Variants in CCDC7 observed in about 807,000 individuals in gnomAD.
The protein encoded by CCDC7 is coiled-coil domain containing 7.
Under a neutral mutation model 196.9 loss-of-function variants are expected in CCDC7, and 183 were observed. The ratio of observed to expected loss-of-function variants is 0.93; its 90% CI spans 0.82 to 1.05. CCDC7 has a LOEUF of 1.05. Among genes scored for constraint, CCDC7 ranks in the 50% least tolerant of loss-of-function variants. The probability of loss-of-function intolerance (pLI) is 0.00; values close to 1 mark genes in which losing one functional copy is unlikely to be tolerated. For synonymous variants in CCDC7, 525 were observed against 484.6 expected (o/e 1.08, Z -1.10); for missense variants, 1,540 against 1,482.2 (o/e 1.04, Z -0.64).
chr10:32,478,071 C>T (rs73251540), intron 8 of CCDC7, among the ~76,000 whole-genome samples: 7,875 of 152,146 alleles, frequency 0.052, 675 homozygotes, highest in African/African-American at 0.18. Context: ...TTTAGATTTA[C>T]ACTGAAGTGT....
At chr10:32,475,084 A>G (rs1190483036) in intron 8 of CCDC7, among the ~76,000 whole-genome samples, 4 of 152,206 alleles carry the variant, frequency 2.6e-5, no homozygotes, top group Non-Finnish European at 5.9e-5. Context: ...AAACCTCTGT[A>G]TACATCGAGG....
chr10:32,715,713 C>T (rs539798645), intron 25 of CCDC7, among the ~76,000 whole-genome samples: 49 of 152,170 alleles, frequency 3.2e-4, no homozygotes, highest in African/African-American at 1.1e-3. Context: ...ATAAATGACC[C>T]GATGGAGCTG....
intron 28 of CCDC7, among the ~76,000 whole-genome samples, chr10:32,772,584 G>A (rs1034962265): frequency 6.6e-6 from 1 of 152,222 alleles, no homozygotes; most frequent in Non-Finnish European, 1.5e-5. Flanking sequence ...AAACCGTGTT[G>A]GGAGCTTCTT....
chr10:32,657,888 C>T (rs1006100358), intron 20 of CCDC7, among the ~76,000 whole-genome samples: 3 of 152,170 alleles, frequency 2.0e-5, no homozygotes, highest in Admixed American at 2.0e-4. Flanking sequence ...CTGCCAGATA[C>T]CATAAATCAT....
In CCDC7 at chr10:32,743,211, A is replaced by C. The variant is rs538706999; in HGVS notation, c.2905+13754A>C. ...AATTGCTGGATTATATGACAAGAAT[A>C]GGTTTAGTTTTTAAGAAACAGCCAC... On this transcript the variant is annotated intron_variant, in intron 28 of 41. Transcript: ENST00000639629. 4.6e-5 allele frequency among the ~76,000 whole-genome samples: 7 copies of C among 152,306 alleles called. No individual in the cohort carries two copies. The East Asian group carries it at 1.2e-3, about 25-fold the overall frequency.
chr10:32,710,655 G>A (rs1384907336), intron 24 of CCDC7, among the ~76,000 whole-genome samples: 1 of 152,180 alleles, frequency 6.6e-6, no homozygotes, highest in African/African-American at 2.4e-5. Flanking sequence ...TGCACCATGG[G>A]ACAGTCAGAC....
At chr10:32,543,325 C>A in exon 12 of CCDC7, 6 of 1,455,604 alleles carry the variant, frequency 4.1e-6, no homozygotes, top group Admixed American at 2.3e-5. Flanking sequence ...AATAATCGAA[C>A]AAAGAAAGCT....
At chr10:32,499,230 A>C (rs2043456036) in intron 9 of CCDC7, 1 of 151,868 alleles carries the variant, frequency 6.6e-6, no homozygotes, top group Non-Finnish European at 1.5e-5. Flanking sequence ...CTCATGTGTT[A>C]TTCATCTTTC....
At chr10:32,683,343 T>A (rs2076073895) in intron 21 of CCDC7, among the ~76,000 whole-genome samples, 1 of 152,202 alleles carries the variant, frequency 6.6e-6, no homozygotes. Flanking sequence ...ACCCATTTCC[T>A]TGGTCTATGT....
At chr10:32,765,774 T>A (rs1369814118) in intron 28 of CCDC7, among the ~76,000 whole-genome samples, 2 of 152,038 alleles carry the variant, frequency 1.3e-5, no homozygotes, top group Non-Finnish European at 2.9e-5. Flanking sequence ...TAGATGGTGA[T>A]TCTAATTGTA....
intron 13 of CCDC7, among the ~76,000 whole-genome samples, chr10:32,557,893 A>G (rs1039967550): frequency 1.3e-5 from 2 of 152,090 alleles, no homozygotes; most frequent in African/African-American, 2.4e-5. Context: ...GTGTCTTGCT[A>G]TGTTGCCCAG....
At chr10:32,816,882 G>T (rs2088735799) in intron 31 of CCDC7, among the ~76,000 whole-genome samples, 1 of 151,942 alleles carries the variant, frequency 6.6e-6, no homozygotes, top group Non-Finnish European at 1.5e-5. Flanking sequence ...CACAAAGATG[G>T]GGAAAAAAAA....
At chr10:32,655,682 A>T (rs990246700) in intron 20 of CCDC7, among the ~76,000 whole-genome samples, 9 of 151,920 alleles carry the variant, frequency 5.9e-5, no homozygotes, top group Admixed American at 4.6e-4. Flanking sequence ...GATGCCACCC[A>T]AGTAGTGCGT....
intron 29 of CCDC7, among the ~76,000 whole-genome samples, chr10:32,780,285 A>G (rs1202633664): frequency 1.3e-5 from 2 of 152,198 alleles, no homozygotes; most frequent in Admixed American, 6.5e-5. Flanking sequence ...GGAATGCTAG[A>G]CAGTAACTTC....
intron 33 of CCDC7, among the ~76,000 whole-genome samples, chr10:32,837,561 C>A (rs572051697): frequency 3.6e-4 from 55 of 152,102 alleles, no homozygotes; most frequent in African/African-American, 1.3e-3. Context: ...TTGACCCAGC[C>A]ATCCCATTAC....
intron 18 of CCDC7, among the ~76,000 whole-genome samples, chr10:32,627,704 GT>G (rs137855264): frequency 0.053 from 8,049 of 150,924 alleles, 706 homozygotes; most frequent in African/African-American, 0.18. Flanking sequence ...TTTGGTGAGA[GT>G]TTTTTTTTAA....
At chr10:32,561,181 C>A (rs146554867) in intron 13 of CCDC7, among the ~76,000 whole-genome samples, 1 of 152,104 alleles carries the variant, frequency 6.6e-6, no homozygotes, top group Non-Finnish European at 1.5e-5. Context: ...CCTGAGTGAC[C>A]TAGAAAGAGA....
chr10:32,565,672 A>G (rs762689414), intron 14 of CCDC7, 52 bp downstream of exon 15: 6 of 1,560,640 alleles, frequency 3.8e-6, no homozygotes, highest in African/African-American at 2.7e-5. Context: ...GAAAATATCC[A>G]CAAAGAACTT....
chr10:32,491,270 G>C (rs1420657308), intron 8 of CCDC7, among the ~76,000 whole-genome samples: 3 of 152,096 alleles, frequency 2.0e-5, no homozygotes, highest in Non-Finnish European at 4.4e-5. Flanking sequence ...TTTGTGTCAT[G>C]TCTTGTTTAT....
Sources: allele counts gnomAD v4.1 joint callset (sites outside exome capture counted in the v4.1 genomes callset), GRCh38; gene constraint gnomAD v4.1.1; transcripts MANE v1.5; gene names NCBI Gene and HGNC (gene_info 2026-07-23, HGNC 2026-07-21).